The following CLCC1 variants were observed in gnomAD, a reference collection of about 807,000 sequenced individuals.
The protein encoded by CLCC1 is chloride channel CLIC like 1.
In CLCC1, 39 loss-of-function variants were observed where a neutral mutation model predicts 63.3. The observed-to-expected ratio is 0.62, with a 90% CI of 0.48 to 0.81. The LOEUF (loss-of-function observed/expected upper bound fraction) is 0.81, where lower values mean the gene tolerates loss of function less well. CLCC1 is among the 30% of genes least tolerant of loss of function. The pLI is 0.00. For synonymous variants in CLCC1, 217 were observed against 239.8 expected (o/e 0.90, Z 0.88); for missense variants, 549 against 669.4 (o/e 0.82, Z 1.98).
intron 4 of CLCC1, 118 bp from the exon 5 acceptor site, chr1:108,947,836 T>G: frequency 1.5e-6 from 1 of 669,958 alleles, no homozygotes; most frequent in Non-Finnish European, 2.6e-6. Context: ...TTGATCAAGT[T>G]TGCATTTATC....
At position 108,944,015 on chromosome 1, in the gene CLCC1, TA is replaced by T; in HGVS notation, c.381del (p.Ile128SerfsTer8). The T allele has an allele frequency of 6.2e-7, 1 of 1,613,014 alleles. No individual in the cohort carries two copies. The highest frequency in any genetic ancestry group is 1.7e-4 in the Middle Eastern group (1 of 6,020). ...NKGDMHYDAE[I>X]ILKRETLLEI... is the part of the protein sequence containing the mutation. Reference sequence around the variant, plus strand: ...TCTAACAAAGTTTCTCTTTTAAGGATAATCTCAGCATCATAATGCATATCGC... The same window carrying T: ...TCTAACAAAGTTTCTCTTTTAAGGATATCTCAGCATCATAATGCATATCGC... On this transcript the variant is annotated frameshift_variant, in exon 6 of 13. Coordinates refer to ENST00000369969, the MANE Select transcript of CLCC1 (RefSeq NM_001377458.1). LOFTEE classifies it high-confidence loss of function.
rs1186359907 is a variant in CLCC1, at chr1:108,950,519, T to TTAC, written c.-11-72_-11-71insGTA. On this transcript the variant is annotated intron_variant, in intron 2 of 12. Coordinates refer to ENST00000369969, the MANE Select transcript of CLCC1 (RefSeq NM_001377458.1). ...AAATAAATTGGGTTTTGGGTTATTATTATTATTATTATTATTTTTAGAGAC... is the reference window on the plus strand; with the variant it reads ...AAATAAATTGGGTTTTGGGTTATTATTACTATTATTATTATTATTTTTAGAGAC... 18 of 802,154 alleles carry TTAC rather than the reference T, an allele frequency of 2.2e-5. No individual in the cohort carries two copies. In the East Asian group the frequency reaches 8.0e-4, roughly 36 times the overall value. The allele number at this position is 802,154 out of a possible 1,614,324, so 49.7% of individuals were successfully genotyped here. A position where few individuals can be genotyped will look rare whatever the true frequency, so the allele number is the denominator to read the frequency against.
chr1:108,943,261 G>A (rs1654081689), intron 7 of CLCC1, among the ~76,000 whole-genome samples: 1 of 152,136 alleles, frequency 6.6e-6, no homozygotes, highest in African/African-American at 2.4e-5. Flanking sequence ...ACTGGGTTAT[G>A]AAAATTAGGA....
In CLCC1 at chr1:108,943,879, C is replaced by T. The variant is rs764536408; in HGVS notation, c.518G>A (p.Arg173Gln). 8 of 1,613,912 alleles carry T rather than the reference C, an allele frequency of 5.0e-6. No individual in the cohort carries two copies. In the Admixed American group the frequency reaches 6.7e-5, roughly 13 times the overall value. ...KFHDFETWKW[R>Q]FEDSFGVDPY... is the part of the protein sequence containing the mutation. ...ATCCACTCCAAAGGAATCTTCGAAT[C>T]GCCACTTCCATGTTTCAAAATCATG... Residue 173 changes from arginine (R) to glutamine (Q), a missense_variant, in exon 6 of 13, where the codon CGA (arginine) becomes CAA (glutamine). Arg to Gln is a conservative substitution (Grantham distance 43). Coordinates refer to ENST00000369969, the MANE Select transcript of CLCC1 (RefSeq NM_001377458.1).
intron 12 of CLCC1, chr1:108,933,776 G>A (rs1570991908): frequency 6.6e-6 from 1 of 152,210 alleles, no homozygotes; most frequent in Non-Finnish European, 1.5e-5. Context: ...CCTGTCTGCA[G>A]TTAAGGAAGA....
chr1:108,950,354 G>C lies in CLCC1; in HGVS notation c.84C>G (p.Asp28Glu). 1 of 1,613,322 alleles carries C rather than the reference G, an allele frequency of 6.2e-7. No homozygotes were observed. Among genetic ancestry groups the C allele is most frequent in the Non-Finnish European group, 8.5e-7 (1 of 1,179,614 alleles). ...CTGAAGCAGCATCATAGTTAAGCATGTCTGTGGGGTCAATCCAGTCATCAT... is the reference window on the plus strand; with the variant it reads ...CTGAAGCAGCATCATAGTTAAGCATCTCTGTGGGGTCAATCCAGTCATCAT... ...AHDDDWIDPT[D>E]MLNYDAASGT... The change falls in exon 3 of 13, where the codon GAC becomes GAG. Residue 28 changes from aspartate to glutamate, a missense_variant. By Grantham distance (45) the Asp-to-Glu change is conservative. Coordinates refer to ENST00000369969, the MANE Select transcript of CLCC1 (RefSeq NM_001377458.1).
At chr1:108,939,182 CATAT>C (rs10594082) in intron 10 of CLCC1, among the ~76,000 whole-genome samples, 26 of 140,082 alleles carry the variant, frequency 1.9e-4, no homozygotes, top group Non-Finnish European at 2.7e-4. Flanking sequence ...ACTGACAGTG[CATAT>C]ATATATATAA....
chr1:108,933,507 T>C (rs548855268), intron 12 of CLCC1: 1 of 152,366 alleles, frequency 6.6e-6, no homozygotes, highest in Admixed American at 6.5e-5. Context: ...TATTCTGCAT[T>C]TCATATTAAA....
chr1:108,963,021 T>C (rs537202175), intron 1 of CLCC1, among the ~76,000 whole-genome samples: 17 of 152,372 alleles, frequency 1.1e-4, no homozygotes, highest in Non-Finnish European at 5.9e-5. Context: ...CAAATTATGC[T>C]TAAAGTTTTC....
At chr1:108,942,556 T>C (rs1375708925) in intron 7 of CLCC1, among the ~76,000 whole-genome samples, 1 of 152,202 alleles carries the variant, frequency 6.6e-6, no homozygotes, top group Non-Finnish European at 1.5e-5. Flanking sequence ...TCTAAAATTT[T>C]CTTTCAATGA....
chr1:108,935,527 G>A (rs997400647), intron 11 of CLCC1, among the ~76,000 whole-genome samples: 3 of 152,206 alleles, frequency 2.0e-5, no homozygotes, highest in Non-Finnish European at 4.4e-5. Context: ...ATAACTTTGG[G>A]AGGCCAAGGT....
chr1:108,956,145 C>CACA (rs1417317413), intron 2 of CLCC1, among the ~76,000 whole-genome samples: 1 of 151,468 alleles, frequency 6.6e-6, no homozygotes, highest in South Asian at 2.1e-4. Context: ...AAGGCCAAGT[C>CACA]ACACGAAGAG....
Position 108,934,932 on chromosome 1 carries a change from G to C in CLCC1, c.1394C>G (p.Pro465Arg), listed in dbSNP as rs1391327663. 1 of 1,609,176 alleles carries C rather than the reference G, an allele frequency of 6.2e-7. No homozygotes were observed. Among genetic ancestry groups the C allele is most frequent in the Admixed American group, 1.7e-5 (1 of 59,492 alleles). ...HPTVVPSHKS[P>R]VLDTKPKETG... ...CTCCTTGGGCTTTGTATCCAAAACAGGTGATTTATGCTATAAAGTACAAAA... is the reference window on the plus strand; with the variant it reads ...CTCCTTGGGCTTTGTATCCAAAACACGTGATTTATGCTATAAAGTACAAAA... Residue 465 changes from proline (P) to arginine (R), a missense_variant, in exon 12 of 13, where the codon CCT becomes CGT. By Grantham distance (103) the Pro-to-Arg change is moderately radical. Coordinates refer to ENST00000369969, the MANE Select transcript of CLCC1 (RefSeq NM_001377458.1).
chr1:108,952,402 T>C (rs888094795), intron 2 of CLCC1, among the ~76,000 whole-genome samples: 5 of 151,250 alleles, frequency 3.3e-5, no homozygotes, highest in Admixed American at 2.6e-4. Context: ...GGTCTCGAAC[T>C]CCCGACCTCC....
At chr1:108,933,950 T>C (rs1487920786) in intron 12 of CLCC1, 2 of 152,126 alleles carry the variant, frequency 1.3e-5, no homozygotes, top group Non-Finnish European at 2.9e-5. Context: ...AAAAAATAGG[T>C]TTTATAAAAA....
intron 5 of CLCC1, among the ~76,000 whole-genome samples, chr1:108,945,451 C>T (rs2101662876): frequency 6.6e-6 from 1 of 152,276 alleles, no homozygotes; most frequent in South Asian, 2.1e-4. Flanking sequence ...TTTTGATTGC[C>T]TTGTTCCATC....
intron 5 of CLCC1, among the ~76,000 whole-genome samples, chr1:108,944,443 T>C (rs1281103180): frequency 6.6e-6 from 1 of 151,820 alleles, no homozygotes; most frequent in African/African-American, 2.4e-5. Context: ...CACTCCAGCA[T>C]GGGAGACAGA....
Position 108,944,056 on chromosome 1 carries a change from G to A in CLCC1, c.341C>T (p.Pro114Leu), listed in dbSNP as rs762046713. ...ILIEAGKLGL[P>L]DENKGDMHYD... ...ATGCATATCGCCTTTGTTTTCATCA[G>A]GCTAAATTAAATTTACCAAAAAACA... The change falls in exon 6 of 13, where the codon CCT becomes CTT. Residue 114 changes from proline to leucine, a missense_variant and splice_region_variant. By Grantham distance (98) the Pro-to-Leu change is moderately conservative. Coordinates refer to ENST00000369969, the MANE Select transcript of CLCC1 (RefSeq NM_001377458.1). 7.6e-6 allele frequency: 12 copies of A among 1,568,936 alleles called. No individual in the cohort carries two copies. The East Asian group carries it at 2.3e-4, about 30-fold the overall frequency.
At chr1:108,956,485 C>A (rs1181341110) in intron 2 of CLCC1, among the ~76,000 whole-genome samples, 2 of 151,028 alleles carry the variant, frequency 1.3e-5, no homozygotes, top group Non-Finnish European at 2.9e-5. Flanking sequence ...CACAGTGAAA[C>A]CCCGTCTCTA....
Sources: gnomAD v4.1 joint callset for allele counts (sites outside exome capture counted in the v4.1 genomes callset) on GRCh38, gnomAD v4.1.1 for gene constraint, MANE v1.5 for transcripts, NCBI Gene and HGNC (gene_info 2026-07-23, HGNC 2026-07-21) for gene names.